The following FAF1 variants were observed in gnomAD, a reference collection of about 807,000 sequenced individuals.
FAF1 encodes Fas associated factor 1, also known as FAS-associated factor 1.
Under a neutral mutation model 92.5 loss-of-function variants are expected in FAF1, and 25 were observed. The observed-to-expected ratio is 0.27, with a 90% confidence interval of 0.20 to 0.38. FAF1 has a LOEUF of 0.38. Among genes scored for constraint, FAF1 ranks in the 10% least tolerant of loss-of-function variants. The probability of loss-of-function intolerance (pLI) is 1.00; values close to 1 mark genes in which losing one functional copy is unlikely to be tolerated. For synonymous variants in FAF1, 234 were observed against 273.2 expected, an observed-to-expected ratio of 0.86 and a Z score of 1.42; for missense variants, 636 against 793.3, an observed-to-expected ratio of 0.80 and a Z score of 2.38.
intron 15 of FAF1, among the ~76,000 whole-genome samples, chr1:50,517,944 C>T (rs969599719): frequency 2.0e-5 from 3 of 152,162 alleles, no homozygotes; most frequent in Admixed American, 1.3e-4. Flanking sequence ...ATTAAATAAA[C>T]TTACTTTTCC....
chr1:50,478,415 G>T (rs1386599766), intron 17 of FAF1, among the ~76,000 whole-genome samples: 2 of 152,094 alleles, frequency 1.3e-5, no homozygotes, highest in East Asian at 3.9e-4. Context: ...CATCCACCTA[G>T]GTCTCCCAAA....
At chr1:50,892,510 T>C (rs1051800419) in intron 1 of FAF1, among the ~76,000 whole-genome samples, 1 of 152,236 alleles carries the variant, frequency 6.6e-6, no homozygotes, top group Non-Finnish European at 1.5e-5. Flanking sequence ...TCTTTAAGTA[T>C]GTCATGCCAC....
chr1:50,470,279 T>C (rs982911519), intron 18 of FAF1, among the ~76,000 whole-genome samples: 1 of 152,176 alleles, frequency 6.6e-6, no homozygotes, highest in Admixed American at 6.5e-5. Flanking sequence ...CTATAATTTA[T>C]TAACAGTTTT....
chr1:50,549,312 T>G (rs573978293), intron 13 of FAF1, among the ~76,000 whole-genome samples: 1 of 152,216 alleles, frequency 6.6e-6, no homozygotes, highest in East Asian at 1.9e-4. Flanking sequence ...TTTTTTGTTT[T>G]GGATTTCTTT....
At chr1:50,531,152 T>C (rs1648144265) in intron 15 of FAF1, among the ~76,000 whole-genome samples, 1 of 152,228 alleles carries the variant, frequency 6.6e-6, no homozygotes, top group African/African-American at 2.4e-5. Flanking sequence ...TCCACTAATG[T>C]ATTCTTAGAA....
intron 6 of FAF1, among the ~76,000 whole-genome samples, chr1:50,732,590 G>A (rs920624569): frequency 6.6e-6 from 1 of 151,720 alleles, no homozygotes; most frequent in Non-Finnish European, 1.5e-5. Context: ...ATTTCCCTGG[G>A]GTCACTTTCT....
intron 1 of FAF1, among the ~76,000 whole-genome samples, chr1:50,924,512 A>G (rs1373740179): frequency 6.6e-6 from 1 of 152,240 alleles, no homozygotes; most frequent in African/African-American, 2.4e-5. Context: ...GTACAGCATC[A>G]TCTCTATAAA....
intron 8 of FAF1, among the ~76,000 whole-genome samples, chr1:50,612,789 A>G (rs1304594611): frequency 6.6e-6 from 1 of 152,212 alleles, no homozygotes; most frequent in Non-Finnish European, 1.5e-5. Flanking sequence ...CTATCTAGAA[A>G]CAAGAAAAAG....
At chr1:50,795,072 G>GTAC (rs1345027195) in intron 3 of FAF1, among the ~76,000 whole-genome samples, 15 of 152,118 alleles carry the variant, frequency 9.9e-5, no homozygotes, top group Non-Finnish European at 2.9e-5. Flanking sequence ...ATGCATTAAT[G>GTAC]TACAATGTGG....
At chr1:50,740,497 T>C (rs1351615081) in intron 5 of FAF1, among the ~76,000 whole-genome samples, 1 of 152,196 alleles carries the variant, frequency 6.6e-6, no homozygotes, top group Non-Finnish European at 1.5e-5. Flanking sequence ...TCTTGACTCA[T>C]ATTAGTTATG....
chr1:50,453,407 T>A (rs552266784), intron 18 of FAF1, among the ~76,000 whole-genome samples: 3 of 152,312 alleles, frequency 2.0e-5, no homozygotes, highest in African/African-American at 7.2e-5. Flanking sequence ...AAGAGTTTAG[T>A]CCCTAACGAC....
chr1:50,743,428 A>C (rs967693081), intron 5 of FAF1, among the ~76,000 whole-genome samples: 1 of 152,072 alleles, frequency 6.6e-6, no homozygotes, highest in Non-Finnish European at 1.5e-5. Context: ...TGTGGGTTCA[A>C]GCAATTCTCC....
chr1:50,940,766 G>A (rs978829197), intron 1 of FAF1, among the ~76,000 whole-genome samples: 5 of 152,172 alleles, frequency 3.3e-5, no homozygotes, highest in South Asian at 2.1e-4. Flanking sequence ...TAAAAGTGAC[G>A]TAAAAATACT....
At chr1:50,468,887 C>T (rs576025856) in intron 18 of FAF1, among the ~76,000 whole-genome samples, 7 of 152,226 alleles carry the variant, frequency 4.6e-5, no homozygotes, top group Middle Eastern at 3.4e-3. Flanking sequence ...TGAGCCACTG[C>T]GCCTGGCCAA....
chr1:50,456,138 A>G (rs1646350178), intron 18 of FAF1, among the ~76,000 whole-genome samples: 1 of 151,856 alleles, frequency 6.6e-6, no homozygotes, highest in African/African-American at 2.4e-5. Context: ...GCTAGAGTGC[A>G]GTGGCCTATT....
intron 1 of FAF1, among the ~76,000 whole-genome samples, chr1:50,869,105 T>C (rs1043705787): frequency 1.3e-5 from 2 of 152,182 alleles, no homozygotes; most frequent in Non-Finnish European, 2.9e-5. Context: ...CTTGAAAAAT[T>C]GATTCTCCCG....
intron 1 of FAF1, among the ~76,000 whole-genome samples, chr1:50,893,186 G>C (rs1644732812): frequency 6.6e-6 from 1 of 152,132 alleles, no homozygotes; most frequent in African/African-American, 2.4e-5. Flanking sequence ...TTGGTCCCTG[G>C]TGCCTCATTT....
At chr1:50,794,100 C>A (rs1399723738) in intron 3 of FAF1, among the ~76,000 whole-genome samples, 1 of 152,194 alleles carries the variant, frequency 6.6e-6, no homozygotes, top group Non-Finnish European at 1.5e-5. Flanking sequence ...TACTTTGATA[C>A]TTTGGTAGGA....
chr1:50,932,963 C>G (rs1344297730), intron 1 of FAF1, among the ~76,000 whole-genome samples: 1 of 152,200 alleles, frequency 6.6e-6, no homozygotes, highest in Non-Finnish European at 1.5e-5. Context: ...AGCCCAAGCT[C>G]TATGTTGGCC....
Sources: gnomAD v4.1 joint callset for allele counts (sites outside exome capture counted in the v4.1 genomes callset) on GRCh38, gnomAD v4.1.1 for gene constraint, MANE v1.5 for transcripts, NCBI Gene and HGNC (gene_info 2026-07-23, HGNC 2026-07-21) for gene names.